Variants in ACYP2 observed in about 807,000 individuals in gnomAD.
ACYP2 encodes the protein acylphosphatase 2.
A neutral mutation model predicts 11.2 loss-of-function variants in ACYP2; 12 were observed. The observed-to-expected ratio is 1.08, with a 90% CI of 0.69 to 1.74. ACYP2 has a LOEUF of 1.74. Ranked by LOEUF, ACYP2 falls within the 40% of genes most tolerant of loss-of-function variation. The probability of loss-of-function intolerance (pLI) is 0.00; values close to 1 mark genes in which losing one functional copy is unlikely to be tolerated. For missense variants in ACYP2, 134 were observed against 101.9 expected (o/e 1.31, Z -1.35); for synonymous variants, 43 against 32.2 (o/e 1.33, Z -1.13).
intron 6 of ACYP2, among the ~76,000 whole-genome samples, chr2:54,302,278 C>G (rs1237699722): frequency 6.6e-6 from 1 of 152,186 alleles, no homozygotes; most frequent in African/African-American, 2.4e-5. Flanking sequence ...GCCAAAGTCA[C>G]AGGTGACATC....
intron 6 of ACYP2, among the ~76,000 whole-genome samples, chr2:54,252,047 T>A (rs1687249958): frequency 6.6e-6 from 1 of 152,206 alleles, no homozygotes; most frequent in African/African-American, 2.4e-5. Flanking sequence ...GCTAACTTGT[T>A]AAGCTTGCAA....
At chr2:54,234,796 T>TG (rs1686399179) in intron 6 of ACYP2, among the ~76,000 whole-genome samples, 1 of 152,216 alleles carries the variant, frequency 6.6e-6, no homozygotes, top group Non-Finnish European at 1.5e-5. Flanking sequence ...CTGATTTCTT[T>TG]GGGGGATTGA....
intron 6 of ACYP2, among the ~76,000 whole-genome samples, chr2:54,196,820 A>G (rs554565576): frequency 2.8e-4 from 43 of 152,184 alleles, no homozygotes; most frequent in Non-Finnish European, 5.4e-4. Flanking sequence ...CCCCACATTT[A>G]TGTGAATTGC....
chr2:54,152,675 A>G (rs1053829509), intron 6 of ACYP2, among the ~76,000 whole-genome samples: 7 of 152,276 alleles, frequency 4.6e-5, no homozygotes, highest in African/African-American at 1.4e-4. Context: ...GGCTTCATTC[A>G]CTTAGATACA....
At chr2:54,059,494 C>T (rs1460664788) in intron 4 of ACYP2, among the ~76,000 whole-genome samples, 1 of 152,132 alleles carries the variant, frequency 6.6e-6, no homozygotes, top group African/African-American at 2.4e-5. Context: ...TTACAGGTGT[C>T]AGCCACCATG....
At chr2:54,159,342 G>C (rs929012899) in intron 6 of ACYP2, among the ~76,000 whole-genome samples, 7 of 149,928 alleles carry the variant, frequency 4.7e-5, no homozygotes, top group Non-Finnish European at 8.9e-5. Context: ...ATAAGTCAGT[G>C]CTTATATTGG....
intron 2 of ACYP2, among the ~76,000 whole-genome samples, chr2:53,989,649 T>G (rs1254824489): frequency 6.6e-6 from 1 of 152,172 alleles, no homozygotes. Flanking sequence ...CTCTACTAAC[T>G]CCCCTGACAG....
At chr2:54,264,798 A>T (rs1687944866) in intron 6 of ACYP2, among the ~76,000 whole-genome samples, 1 of 152,254 alleles carries the variant, frequency 6.6e-6, no homozygotes, top group Admixed American at 6.5e-5. Flanking sequence ...GGGACAGTGG[A>T]GGAAATTAAA....
intron 6 of ACYP2, among the ~76,000 whole-genome samples, chr2:54,239,354 T>C (rs1489486027): frequency 2.0e-5 from 3 of 152,234 alleles, no homozygotes; most frequent in Non-Finnish European, 2.9e-5. Flanking sequence ...CTCTGTCTTG[T>C]TCTTTTAGCT....
At chr2:54,278,863 A>G (rs1688727705) in intron 6 of ACYP2, among the ~76,000 whole-genome samples, 1 of 152,200 alleles carries the variant, frequency 6.6e-6, no homozygotes. Context: ...ATGCTGCTGT[A>G]CTATCATTAA....
At chr2:54,151,728 A>G (rs1682179507) in intron 6 of ACYP2, among the ~76,000 whole-genome samples, 2 of 152,232 alleles carry the variant, frequency 1.3e-5, no homozygotes, top group African/African-American at 4.8e-5. Flanking sequence ...ACCGATCTAT[A>G]TTAAAATGAC....
At chr2:54,126,812 T>G (rs1194033208) in intron 4 of ACYP2, among the ~76,000 whole-genome samples, 3 of 151,650 alleles carry the variant, frequency 2.0e-5, no homozygotes, top group Non-Finnish European at 4.4e-5. Context: ...TAGCCAGGTG[T>G]GGTGGTGTGC....
chr2:54,295,581 G>A (rs1017761837), intron 6 of ACYP2, among the ~76,000 whole-genome samples: 1 of 152,110 alleles, frequency 6.6e-6, no homozygotes, highest in Non-Finnish European at 1.5e-5. Context: ...AGATGACAAA[G>A]GCTCATTCAT....
chr2:54,280,223 A>G (rs566709686), intron 6 of ACYP2, among the ~76,000 whole-genome samples: 2 of 152,362 alleles, frequency 1.3e-5, no homozygotes, highest in African/African-American at 4.8e-5. Context: ...AAGAGTGAAG[A>G]AGAGAGAGAT....
At chr2:54,072,721 C>G (rs1354012363) in intron 4 of ACYP2, among the ~76,000 whole-genome samples, 2 of 151,952 alleles carry the variant, frequency 1.3e-5, no homozygotes, top group East Asian at 3.9e-4. Context: ...TGCCACTGTG[C>G]CAGGCTAATT....
chr2:54,208,245 C>T (rs1044120961), intron 6 of ACYP2, among the ~76,000 whole-genome samples: 6 of 151,792 alleles, frequency 4.0e-5, no homozygotes, highest in Admixed American at 6.6e-5. Context: ...GTGGTTCTTC[C>T]TCTTTCCCTC....
At chr2:54,222,936 A>C (rs940592368) in intron 6 of ACYP2, 1 of 152,054 alleles carries the variant, frequency 6.6e-6, no homozygotes, top group African/African-American at 2.4e-5. Context: ...TTCCCTCTCA[A>C]CGTTGCCCCT....
chr2:54,064,038 G>A (rs1166941403), intron 4 of ACYP2, among the ~76,000 whole-genome samples: 3 of 152,064 alleles, frequency 2.0e-5, no homozygotes. Flanking sequence ...TTTTGAGACG[G>A]GGTCTCGCTA....
intron 6 of ACYP2, among the ~76,000 whole-genome samples, chr2:54,299,801 G>A (rs545647002): frequency 6.6e-6 from 1 of 152,030 alleles, no homozygotes; most frequent in Admixed American, 6.6e-5. Context: ...TTGATCCCAG[G>A]CCCCAGTGGT....
Sources: allele counts gnomAD v4.1 joint callset (sites outside exome capture counted in the v4.1 genomes callset), GRCh38; gene constraint gnomAD v4.1.1; transcripts MANE v1.5; gene names NCBI Gene and HGNC (gene_info 2026-07-23, HGNC 2026-07-21).